Variants in KAT6A observed in about 807,000 individuals in gnomAD.
The protein encoded by KAT6A is histone acetyltransferase KAT6A.
A neutral mutation model predicts 198.4 loss-of-function variants in KAT6A; 9 were observed. The ratio of observed to expected loss-of-function variants is 0.05; its 90% confidence interval spans 0.03 to 0.08. KAT6A has a LOEUF of 0.08. Among genes scored for constraint, KAT6A ranks in the 10% least tolerant of loss-of-function variants. The pLI is 1.00. For synonymous variants in KAT6A, 890 were observed against 883.0 expected (o/e 1.01, Z -0.14); for missense variants, 2,077 against 2,509.9 (o/e 0.83, Z 3.69).
At chr8:42,011,043 C>T (rs553621887) in intron 2 of KAT6A, among the ~76,000 whole-genome samples, 1 of 152,218 alleles carries the variant, frequency 6.6e-6, no homozygotes, top group African/African-American at 2.4e-5. Flanking sequence ...ATCAGTTGTC[C>T]CCAAAAACCA....
At position 41,981,928 on chromosome 8, in the gene KAT6A, G is replaced by C; in HGVS notation, c.736C>G (p.Pro246Ala). ...SGHPSCLKFSPELTVRVKALR... is the reference protein window; with the variant it reads ...SGHPSCLKFSAELTVRVKALR... ...GCCTTCACTCGAACCGTTAGTTCAG[G>C]GGAAAACTTTAAACAGGATGGATGG... The change falls in exon 4 of 17, where the codon CCT becomes GCT. Residue 246 changes from proline to alanine, a missense_variant. This residue lies in a region of KAT6A where 89 missense variants were observed against 154.4 expected (regional missense o/e 0.58). Coordinates refer to ENST00000265713, the MANE Select transcript of KAT6A (RefSeq NM_006766.5). 1 of 1,613,204 alleles carries C rather than the reference G, an allele frequency of 6.2e-7. No homozygotes were observed. The highest frequency in any genetic ancestry group is 8.5e-7 in the Non-Finnish European group (1 of 1,179,296).
chr8:42,026,126 T>TGG (rs2150918942), intron 2 of KAT6A, among the ~76,000 whole-genome samples: 1 of 152,306 alleles, frequency 6.6e-6, no homozygotes, highest in African/African-American at 2.4e-5. Context: ...TCTGTCCCAG[T>TGG]GGTCTGTCTG....
At chr8:42,034,800 C>A (rs939973450) in intron 2 of KAT6A, among the ~76,000 whole-genome samples, 3 of 152,128 alleles carry the variant, frequency 2.0e-5, no homozygotes, top group African/African-American at 7.2e-5. Context: ...TTCTGTCAGC[C>A]CAGATGTATA....
At chr8:41,987,028 A>G (rs1159297833) in intron 3 of KAT6A, among the ~76,000 whole-genome samples, 1 of 152,072 alleles carries the variant, frequency 6.6e-6, no homozygotes, top group Non-Finnish European at 1.5e-5. Context: ...ACAGAGGAAG[A>G]CTCTGTCTCA....
chr8:41,948,694 G>A (rs943348090), intron 10 of KAT6A, among the ~76,000 whole-genome samples: 5 of 152,272 alleles, frequency 3.3e-5, no homozygotes, highest in Admixed American at 3.3e-4. Context: ...CCAAGGTAAA[G>A]AACTCCTCTA....
At chr8:42,048,033 T>C (rs1240007169) in intron 2 of KAT6A, among the ~76,000 whole-genome samples, 1 of 151,774 alleles carries the variant, frequency 6.6e-6, no homozygotes, top group Non-Finnish European at 1.5e-5. Context: ...TAAGAACCTT[T>C]AGTTAAAGTT....
intron 8 of KAT6A, among the ~76,000 whole-genome samples, chr8:41,967,769 G>C (rs1330448327): frequency 3.9e-5 from 6 of 152,044 alleles, no homozygotes; most frequent in African/African-American, 1.4e-4. Flanking sequence ...GTGTGCATGT[G>C]ACAGAGATAT....
rs200976458 is a variant in KAT6A at position 41,981,962 on chromosome 8, G to A, written c.710-8C>T. On this transcript the variant is annotated splice_polypyrimidine_tract_variant and splice_region_variant and intron_variant, in intron 3 of 16. Coordinates refer to ENST00000265713, the MANE Select transcript of KAT6A (RefSeq NM_006766.5). ...TTAAACAGGATGGATGGCCTAATAC[G>A]AGGGAGAACATTCATGAATGAAACA... is the stretch of plus-strand genomic sequence containing the variant. The A allele has an allele frequency of 1.3e-5, 20 of 1,495,994 alleles. No individual in the cohort carries two copies. Among genetic ancestry groups the A allele is most frequent in the Admixed American group, 1.7e-5 (1 of 59,684 alleles). 92.7% of individuals were successfully genotyped at this position (1,495,994 alleles called of 1,614,324 possible).
At position 41,934,644 on chromosome 8, in the gene KAT6A, G is replaced by T. The variant is rs61753682; in HGVS notation, c.3576C>A (p.Ile1192=). The T allele has an allele frequency of 9.3e-6, 15 of 1,614,008 alleles. No individual in the cohort carries two copies. In the Admixed American group the frequency reaches 2.5e-4, roughly 27 times the overall value. Residue 1192 remains isoleucine, a synonymous_variant, in exon 17 of 17, where the codon ATC becomes ATA. Transcript: ENST00000265713. The stretch of plus-strand genomic sequence containing the variant: ...TACGTCCAGCTTTAGGAATGGAAAC[G>T]ATGGGCTCAATGACGCATGCTTGAG... ...VSTQACVIEP[I]VSIPKAGRKP... is the part of the protein sequence containing the mutation.
In KAT6A at chr8:42,013,218, T is replaced by C. The variant is rs538841888; in HGVS notation, c.601-25655A>G. On this transcript the variant is annotated intron_variant, in intron 2 of 16. Coordinates refer to ENST00000265713, the MANE Select transcript of KAT6A (RefSeq NM_006766.5). ...ATGTAAATTTATAGATAAATAAATA[T>C]AGCAATACAGAGGGAGGTGGCTCTG... is the stretch of plus-strand genomic sequence containing the variant. 1.3e-4 allele frequency among the ~76,000 whole-genome samples: 20 copies of C among 151,652 alleles called. No homozygotes were observed. In the South Asian group the frequency reaches 4.0e-3, roughly 30 times the overall value.
intron 14 of KAT6A, chr8:41,942,393 G>A (rs753495332): frequency 3.1e-5 from 8 of 256,444 alleles, no homozygotes; most frequent in Non-Finnish European, 4.6e-5. Context: ...CAATCCTCCC[G>A]CCTGGGCCTC....
At chr8:41,989,550 C>CGTGAT (rs1824816492) in intron 2 of KAT6A, among the ~76,000 whole-genome samples, 1 of 151,912 alleles carries the variant, frequency 6.6e-6, no homozygotes, top group African/African-American at 2.4e-5. Context: ...CGTGACGTGA[C>CGTGAT]GTGACGTGAC....
chr8:42,025,196 T>C (rs1219291189), intron 2 of KAT6A, among the ~76,000 whole-genome samples: 3 of 150,142 alleles, frequency 2.0e-5, no homozygotes, highest in East Asian at 2.0e-4. Context: ...TGATTAGTGA[T>C]GCTGAGGTTT....
chr8:42,040,386 C>T (rs1381590370), intron 2 of KAT6A, among the ~76,000 whole-genome samples: 1 of 151,994 alleles, frequency 6.6e-6, no homozygotes, highest in Non-Finnish European at 1.5e-5. Context: ...GGAAGGTAGA[C>T]CAAGAAAGAG....
intron 2 of KAT6A, among the ~76,000 whole-genome samples, chr8:42,042,058 T>C (rs776079303): frequency 3.3e-5 from 5 of 152,242 alleles, no homozygotes; most frequent in African/African-American, 7.2e-5. Context: ...AATTTTCTTA[T>C]AAAATACCAC....
intron 15 of KAT6A, among the ~76,000 whole-genome samples, chr8:41,938,143 G>A (rs1230159507): frequency 5.3e-5 from 8 of 152,174 alleles, no homozygotes. Context: ...GCACTGGACT[G>A]ACCAAATAGC....
chr8:42,046,123 T>C (rs892858384), intron 2 of KAT6A, among the ~76,000 whole-genome samples: 1 of 152,194 alleles, frequency 6.6e-6, no homozygotes, highest in African/African-American at 2.4e-5. Flanking sequence ...AGGACTTGGA[T>C]TTGTCTTGCA....
At chr8:42,009,567 AT>A (rs1021282103) in intron 2 of KAT6A, among the ~76,000 whole-genome samples, 39 of 151,416 alleles carry the variant, frequency 2.6e-4, no homozygotes, top group Non-Finnish European at 3.4e-4. Context: ...AAAACCTTTA[AT>A]TTTTTTTCTG....
chr8:41,993,963 T>C (rs948179965), intron 2 of KAT6A, among the ~76,000 whole-genome samples: 2 of 151,782 alleles, frequency 1.3e-5, no homozygotes, highest in East Asian at 3.8e-4. Flanking sequence ...ATAGGAAAAA[T>C]AGAAGAGATA....
Sources: allele counts gnomAD v4.1 joint callset (sites outside exome capture counted in the v4.1 genomes callset), GRCh38; gene constraint gnomAD v4.1.1; regional missense constraint gnomAD v4.1.1; transcripts MANE v1.5; gene names NCBI Gene and HGNC (gene_info 2026-07-23, HGNC 2026-07-21).